The following MSRA variants were observed in gnomAD, a reference collection of about 807,000 sequenced individuals.
The protein encoded by MSRA is methionine sulfoxide reductase A, also known as mitochondrial peptide methionine sulfoxide reductase.
A neutral mutation model predicts 31.3 loss-of-function variants in MSRA; 54 were observed. That is an observed-to-expected ratio of 1.73 (90% CI 1.39 to 2.17). The LOEUF is 2.17. Ranked by LOEUF, MSRA falls within the 30% of genes most tolerant of loss-of-function variation. MSRA has a pLI of 0.00. For missense variants in MSRA, 507 were observed against 300.9 expected (o/e 1.69, Z -5.07); for synonymous variants, 169 against 116.5 (o/e 1.45, Z -2.90).
intron 5 of MSRA, among the ~76,000 whole-genome samples, chr8:10,385,867 A>T (rs1201707065): frequency 6.6e-6 from 1 of 152,010 alleles, no homozygotes; most frequent in Non-Finnish European, 1.5e-5. Flanking sequence ...GTGTGGAGAG[A>T]GCCCAGGAAG....
At chr8:10,055,775 A>G (rs925132085) in intron 1 of MSRA, among the ~76,000 whole-genome samples, 1 of 152,192 alleles carries the variant, frequency 6.6e-6, no homozygotes, top group Non-Finnish European at 1.5e-5. Flanking sequence ...TCATATTGAG[A>G]GTTTGTCATC....
intron 5 of MSRA, among the ~76,000 whole-genome samples, chr8:10,404,213 G>A (rs982460543): frequency 3.3e-5 from 5 of 152,090 alleles, no homozygotes; most frequent in South Asian, 2.1e-4. Flanking sequence ...AAAGTGAGAC[G>A]GTGCTGCTCC....
intron 5 of MSRA, among the ~76,000 whole-genome samples, chr8:10,422,277 C>A (rs926965988): frequency 6.6e-6 from 1 of 152,134 alleles, no homozygotes; most frequent in South Asian, 2.1e-4. Flanking sequence ...CAGAGCAAGA[C>A]CCTGTCTCAG....
intron 1 of MSRA, among the ~76,000 whole-genome samples, chr8:10,204,217 A>T (rs186996525): frequency 1.1e-3 from 175 of 152,350 alleles, no homozygotes; most frequent in African/African-American, 4.1e-3. Context: ...AAAAAATTAC[A>T]GTAGCTGAGG....
rs117219131 is a variant in MSRA at position 10,104,427 on chromosome 8, G to A, written c.142+49769G>A. 1.3e-3 allele frequency among the ~76,000 whole-genome samples: 193 copies of A among 152,252 alleles called. 2 individuals are homozygous for A. The East Asian group carries it at 0.017, about 14-fold the overall frequency. On this transcript the variant is annotated intron_variant, in intron 1 of 5. Transcript: ENST00000317173. ...TTGGTTTTATACCTTTTAGGGAGAC[G>A]TAAAACACATCATTCAATACCTGTA...
At chr8:10,284,049 T>A (rs1799800840) in intron 3 of MSRA, among the ~76,000 whole-genome samples, 1 of 151,946 alleles carries the variant, frequency 6.6e-6, no homozygotes, top group African/African-American at 2.4e-5. Flanking sequence ...ATGGTAGTTC[T>A]ACTTTTAGTT....
intron 1 of MSRA, among the ~76,000 whole-genome samples, chr8:10,156,666 A>T (rs1804177318): frequency 6.6e-6 from 1 of 152,150 alleles, no homozygotes; most frequent in African/African-American, 2.4e-5. Flanking sequence ...TTTCTGCAAG[A>T]TGAGCATATT....
At chr8:10,364,758 G>A (rs1419658870) in intron 5 of MSRA, among the ~76,000 whole-genome samples, 2 of 152,180 alleles carry the variant, frequency 1.3e-5, no homozygotes, top group Non-Finnish European at 2.9e-5. Context: ...CAGATATCAC[G>A]TGTACTGTCT....
chr8:10,146,170 A>AGAATGGTG (rs1451664524), intron 1 of MSRA, among the ~76,000 whole-genome samples: 2 of 152,214 alleles, frequency 1.3e-5, no homozygotes, highest in Non-Finnish European at 2.9e-5. Context: ...AGAGCAGCAA[A>AGAATGGTG]GAATGGTGCG....
intron 5 of MSRA, among the ~76,000 whole-genome samples, chr8:10,392,844 A>C (rs1367636849): frequency 6.9e-6 from 1 of 145,772 alleles, no homozygotes; most frequent in Non-Finnish European, 1.5e-5. Flanking sequence ...CAGGAGATCA[A>C]GACCATTCTG....
chr8:10,165,609 C>T (rs1805057482), intron 1 of MSRA, among the ~76,000 whole-genome samples: 2 of 152,140 alleles, frequency 1.3e-5, no homozygotes, highest in Admixed American at 1.3e-4. Context: ...GCTTCAATTT[C>T]CTGATAAAAT....
intron 5 of MSRA, among the ~76,000 whole-genome samples, chr8:10,347,048 C>T (rs1467836468): frequency 2.0e-5 from 3 of 152,050 alleles, no homozygotes; most frequent in African/African-American, 7.3e-5. Context: ...GGCTGAAGCC[C>T]CCTCCAATGT....
chr8:10,123,689 C>G (rs1801290360), intron 1 of MSRA, among the ~76,000 whole-genome samples: 1 of 152,028 alleles, frequency 6.6e-6, no homozygotes, highest in South Asian at 2.1e-4. Context: ...TGTAAGGAAT[C>G]AGTCCAGTTT....
intron 1 of MSRA, among the ~76,000 whole-genome samples, chr8:10,194,274 A>T (rs1338828212): frequency 1.3e-5 from 2 of 152,200 alleles, no homozygotes; most frequent in Non-Finnish European, 2.9e-5. Flanking sequence ...CCTTAAAAAG[A>T]AGATAATTAA....
intron 1 of MSRA, among the ~76,000 whole-genome samples, chr8:10,123,049 A>G (rs984934127): frequency 6.6e-6 from 1 of 152,226 alleles, no homozygotes; most frequent in Non-Finnish European, 1.5e-5. Context: ...TATATACCCA[A>G]TAATGGGACT....
At chr8:10,165,120 C>T (rs1021683949) in intron 1 of MSRA, among the ~76,000 whole-genome samples, 3 of 152,100 alleles carry the variant, frequency 2.0e-5, no homozygotes, top group African/African-American at 7.2e-5. Context: ...TAAAAAGGCT[C>T]CCCAGGTAAT....
intron 4 of MSRA, among the ~76,000 whole-genome samples, chr8:10,318,618 A>G (rs971067417): frequency 1.3e-5 from 2 of 152,252 alleles, no homozygotes; most frequent in African/African-American, 2.4e-5. Context: ...ACAGCATTAT[A>G]AAGCCTGTTT....
At chr8:10,211,145 C>T (rs1459409783) in intron 2 of MSRA, among the ~76,000 whole-genome samples, 1 of 152,114 alleles carries the variant, frequency 6.6e-6, no homozygotes, top group Non-Finnish European at 1.5e-5. Flanking sequence ...ATTGAACTTC[C>T]ATGAAGCTTT....
intron 5 of MSRA, among the ~76,000 whole-genome samples, chr8:10,387,632 G>A (rs1010541702): frequency 3.9e-5 from 6 of 152,172 alleles, no homozygotes; most frequent in African/African-American, 1.2e-4. Context: ...CAAGTTCACT[G>A]CAGACAAAGA....
Sources: gnomAD v4.1 joint callset for allele counts (sites outside exome capture counted in the v4.1 genomes callset) on GRCh38, gnomAD v4.1.1 for gene constraint, MANE v1.5 for transcripts, NCBI Gene and HGNC (gene_info 2026-07-23, HGNC 2026-07-21) for gene names.